The following ABCC4 variants were observed in gnomAD, a reference collection of about 807,000 sequenced individuals.
The protein encoded by ABCC4 is ATP-binding cassette sub-family C member 4.
In ABCC4, 102 loss-of-function variants were observed where a neutral mutation model predicts 168.5. The ratio of observed to expected loss-of-function variants is 0.61; its 90% CI spans 0.52 to 0.71. The LOEUF (loss-of-function observed/expected upper bound fraction) is 0.71. ABCC4 is among the 30% of genes least tolerant of loss of function. The pLI is 0.00. For synonymous variants in ABCC4, 617 were observed against 590.7 expected, an observed-to-expected ratio of 1.04 and a Z score of -0.65; for missense variants, 1,402 against 1,605.8, an observed-to-expected ratio of 0.87 and a Z score of 2.17.
chr13:95,099,743 C>T (rs1751058), intron 20 of ABCC4, among the ~76,000 whole-genome samples: 10,156 of 152,082 alleles, frequency 0.067, 668 homozygotes, highest in African/African-American at 0.18. Flanking sequence ...CCCTTTGCTG[C>T]GATGCACAAG....
At chr13:95,108,164 C>T (rs370431037) in intron 20 of ABCC4, among the ~76,000 whole-genome samples, 1 of 152,124 alleles carries the variant, frequency 6.6e-6, no homozygotes, top group East Asian at 1.9e-4. Flanking sequence ...CTAAGTTTGT[C>T]TACCTTTAAT....
chr13:95,274,943 G>C (rs1255442292), intron 1 of ABCC4, among the ~76,000 whole-genome samples: 2 of 152,144 alleles, frequency 1.3e-5, no homozygotes, highest in Non-Finnish European at 2.9e-5. Flanking sequence ...CAGGTGTGGT[G>C]GTGGGTGCCT....
At chr13:95,174,131 C>T (rs1255899440) in intron 13 of ABCC4, among the ~76,000 whole-genome samples, 2 of 152,188 alleles carry the variant, frequency 1.3e-5, no homozygotes, top group African/African-American at 2.4e-5. Context: ...CTTTCTAGAA[C>T]ACAACCACAT....
At chr13:95,218,982 A>G (rs1261961791) in intron 4 of ABCC4, among the ~76,000 whole-genome samples, 1 of 39,526 alleles carries the variant, frequency 2.5e-5, no homozygotes, top group East Asian at 3.9e-4. Flanking sequence ...AGAAAGAAAG[A>G]AAGAGTGAGA....
chr13:95,022,669 C>T (rs963594817), intron 30 of ABCC4, among the ~76,000 whole-genome samples: 3 of 152,160 alleles, frequency 2.0e-5, no homozygotes, highest in East Asian at 3.8e-4. Flanking sequence ...GAGGCTGACA[C>T]GTGTCACCTG....
At chr13:95,091,182 C>T (rs183692830) in intron 20 of ABCC4, among the ~76,000 whole-genome samples, 119 of 152,250 alleles carry the variant, frequency 7.8e-4, no homozygotes, top group African/African-American at 2.8e-3. Flanking sequence ...AATCAGTGTT[C>T]CTGAGGAAGA....
rs544288715 is a variant in ABCC4, at chr13:95,174,645, T to C, written c.1727+3062A>G. ...GCTTGTGCGATACGCACACTGATAC[T>C]CAGCAATGAAAATACCTTCCTCCTT... On this transcript the variant is annotated intron_variant, in intron 13 of 30. Coordinates refer to ENST00000645237, the MANE Select transcript of ABCC4 (RefSeq NM_005845.5). Among the ~76,000 whole-genome samples, 37 of 152,302 alleles carry C rather than the reference T, an allele frequency of 2.4e-4. No homozygotes were observed. In the South Asian group the frequency reaches 7.0e-3, roughly 29 times the overall value.
chr13:95,192,701 T>C (rs1678377), intron 9 of ABCC4, among the ~76,000 whole-genome samples: 136,752 of 152,184 alleles, frequency 0.9, 61,705 homozygotes, highest in African/African-American at 0.97. Flanking sequence ...GCAGATCACT[T>C]GAGGCCAGAA....
rs1491090721 is a variant in ABCC4, at chr13:95,244,620, A to AGGAAGGAAG, written c.306+2354_306+2355insCTTCCTTCC. On this transcript the variant is annotated intron_variant, in intron 3 of 30. Coordinates refer to ENST00000645237, the MANE Select transcript of ABCC4 (RefSeq NM_005845.5). ...ATGAAAGAAAGAAAGAAAGAAAGAA[A>AGGAAGGAAG]GAAAGAAAGAAAGAAAGAAAGAAAG... is the stretch of plus-strand genomic sequence containing the variant. 8.2e-3 allele frequency among the ~76,000 whole-genome samples: 354 copies of AGGAAGGAAG among 43,342 alleles called. 91 individuals are homozygous for AGGAAGGAAG. Among genetic ancestry groups the AGGAAGGAAG allele is most frequent in the Non-Finnish European group, 0.012 (279 of 22,712 alleles). 28.4% of individuals were successfully genotyped at this position (43,342 alleles called of 152,430 possible).
intron 19 of ABCC4, among the ~76,000 whole-genome samples, chr13:95,116,891 G>A (rs542182987): frequency 2.2e-4 from 34 of 152,244 alleles, no homozygotes; most frequent in African/African-American, 5.8e-4. Flanking sequence ...CAACGCTTCC[G>A]GAAGCCCTGC....
chr13:95,164,230 A>G, intron 16 of ABCC4, 148 bp downstream of exon 16: 3 of 914,068 alleles, frequency 3.3e-6, no homozygotes, highest in Non-Finnish European at 5.0e-6. Flanking sequence ...ACGGACATGG[A>G]ACACCAGTAG....
intron 13 of ABCC4, among the ~76,000 whole-genome samples, chr13:95,176,301 C>A (rs1012184179): frequency 8.7e-5 from 12 of 137,152 alleles, no homozygotes; most frequent in African/African-American, 2.7e-4. Flanking sequence ...GGGAGACCAG[C>A]CTAGACAACA....
intron 20 of ABCC4, among the ~76,000 whole-genome samples, chr13:95,089,395 G>A (rs9524797): frequency 0.27 from 40,680 of 151,954 alleles, 6,410 homozygotes; most frequent in South Asian, 0.5. Flanking sequence ...CAAGGAGGGC[G>A]GATCACAAGG....
intron 19 of ABCC4, among the ~76,000 whole-genome samples, chr13:95,130,725 AG>A (rs1286745721): frequency 6.6e-6 from 1 of 152,104 alleles, no homozygotes; most frequent in Non-Finnish European, 1.5e-5. Context: ...GGTGAGTTTA[AG>A]GGGGAAAAAG....
At chr13:95,203,880 G>A (rs61965929) in intron 8 of ABCC4, among the ~76,000 whole-genome samples, 2 of 152,182 alleles carry the variant, frequency 1.3e-5, no homozygotes, top group African/African-American at 4.8e-5. Flanking sequence ...CTGCTTCCTC[G>A]CTCGGCCTTC....
At position 95,076,016 on chromosome 13, in the gene ABCC4, G is replaced by C. The variant is rs576865178; in HGVS notation, c.2687-465C>G. Among the ~76,000 whole-genome samples the C allele has an allele frequency of 8.9e-4, 136 of 152,168 alleles. 1 individual carries two copies. Among genetic ancestry groups the C allele is most frequent in the Non-Finnish European group, 1.7e-3 (115 of 68,016 alleles). ...CACCTTAAATTGCTAATTTCTCAAG[G>C]GTCAGCTATAGCCATTGCACCCTGG... On this transcript the variant is annotated intron_variant, in intron 21 of 30. Coordinates refer to ENST00000645237, the MANE Select transcript of ABCC4 (RefSeq NM_005845.5).
intron 1 of ABCC4, among the ~76,000 whole-genome samples, chr13:95,277,695 A>C (rs2041006846): frequency 6.6e-6 from 1 of 152,114 alleles, no homozygotes; most frequent in Non-Finnish European, 1.5e-5. Context: ...CCCAGTGACA[A>C]GAGCAGGGTC....
At chr13:95,165,095 T>C (rs2037228892) in intron 15 of ABCC4, among the ~76,000 whole-genome samples, 1 of 152,180 alleles carries the variant, frequency 6.6e-6, no homozygotes, top group African/African-American at 2.4e-5. Flanking sequence ...GCTGGAAGGA[T>C]GCCATCAGGA....
At chr13:95,145,249 A>C (rs1416088412) in intron 19 of ABCC4, among the ~76,000 whole-genome samples, 1 of 152,304 alleles carries the variant, frequency 6.6e-6, no homozygotes, top group East Asian at 1.9e-4. Flanking sequence ...CAAAGAACTT[A>C]AAAGAAAACT....
Sources: allele counts gnomAD v4.1 joint callset (sites outside exome capture counted in the v4.1 genomes callset), GRCh38; gene constraint gnomAD v4.1.1; transcripts MANE v1.5; gene names NCBI Gene and HGNC (gene_info 2026-07-23, HGNC 2026-07-21).